Variants in NKAIN2 observed in about 807,000 individuals in gnomAD.
NKAIN2 encodes the protein sodium/potassium transporting ATPase interacting 2.
A neutral mutation model predicts 32.6 loss-of-function variants in NKAIN2; 14 were observed. The ratio of observed to expected loss-of-function variants is 0.43; its 90% CI spans 0.28 to 0.67. NKAIN2 has a LOEUF of 0.67. NKAIN2 is among the 30% of genes least tolerant of loss of function. NKAIN2 has a pLI of 0.17. For missense variants in NKAIN2, 198 were observed against 258.3 expected (o/e 0.77, Z 1.60); for synonymous variants, 80 against 87.2 (o/e 0.92, Z 0.46).
chr6:124,427,261 T>C (rs1019767974), intron 3 of NKAIN2, among the ~76,000 whole-genome samples: 2 of 152,182 alleles, frequency 1.3e-5, no homozygotes, highest in South Asian at 2.1e-4. Context: ...AATGACCAAA[T>C]GTTCATCAAC....
chr6:123,889,706 T>C (rs1773905635), intron 1 of NKAIN2, among the ~76,000 whole-genome samples: 1 of 152,106 alleles, frequency 6.6e-6, no homozygotes, highest in East Asian at 1.9e-4. Flanking sequence ...AAAGCACTGA[T>C]TGAGTCACTG....
intron 1 of NKAIN2, among the ~76,000 whole-genome samples, chr6:124,115,199 T>C (rs892597105): frequency 3.3e-5 from 5 of 152,186 alleles, no homozygotes; most frequent in African/African-American, 1.2e-4. Flanking sequence ...TTTAGTTGAC[T>C]GTGAACTTAG....
chr6:124,609,405 A>G (rs1317579702), intron 3 of NKAIN2, among the ~76,000 whole-genome samples: 1 of 144,584 alleles, frequency 6.9e-6, no homozygotes, highest in African/African-American at 2.7e-5. Context: ...GTTTGAAAGA[A>G]TTCGGGATGA....
intron 2 of NKAIN2, among the ~76,000 whole-genome samples, chr6:124,309,178 G>A (rs907597316): frequency 5.3e-5 from 8 of 152,068 alleles, no homozygotes; most frequent in African/African-American, 1.4e-4. Context: ...GGGAATTTGG[G>A]AGTCCTCAAA....
intron 1 of NKAIN2, among the ~76,000 whole-genome samples, chr6:124,080,007 G>A (rs1783882610): frequency 6.6e-6 from 1 of 151,922 alleles, no homozygotes; most frequent in South Asian, 2.1e-4. Flanking sequence ...GTAGATTGTA[G>A]ACCTAGATGG....
At chr6:123,851,959 C>T (rs1055487048) in intron 1 of NKAIN2, among the ~76,000 whole-genome samples, 1 of 152,062 alleles carries the variant, frequency 6.6e-6, no homozygotes, top group Non-Finnish European at 1.5e-5. Context: ...TTGAAATTCA[C>T]ATAATCCATT....
At chr6:124,366,821 A>G (rs1430704105) in intron 3 of NKAIN2, among the ~76,000 whole-genome samples, 1 of 151,654 alleles carries the variant, frequency 6.6e-6, no homozygotes, top group Non-Finnish European at 1.5e-5. Flanking sequence ...TTAGCTACTC[A>G]GGAGGCTGAG....
chr6:124,081,236 A>G (rs1783956670), intron 1 of NKAIN2, among the ~76,000 whole-genome samples: 1 of 152,130 alleles, frequency 6.6e-6, no homozygotes, highest in South Asian at 2.1e-4. Context: ...ATTCATATGC[A>G]TAAATTTCAA....
At chr6:124,028,887 GTATATA>G (rs77593596) in intron 1 of NKAIN2, among the ~76,000 whole-genome samples, 2 of 44,716 alleles carry the variant, frequency 4.5e-5, no homozygotes, top group African/African-American at 9.2e-5. Context: ...ATATATATGT[GTATATA>G]TATATATATA....
chr6:124,682,801 T>C (rs936542537), intron 4 of NKAIN2, among the ~76,000 whole-genome samples: 1 of 152,250 alleles, frequency 6.6e-6, no homozygotes, highest in Non-Finnish European at 1.5e-5. Context: ...CTTTTTTTTA[T>C]TTTGTGAGTA....
intron 1 of NKAIN2, among the ~76,000 whole-genome samples, chr6:123,878,118 C>G (rs1477935022): frequency 6.6e-6 from 1 of 151,828 alleles, no homozygotes; most frequent in Admixed American, 6.6e-5. Flanking sequence ...CCCAGCTACT[C>G]AGTAGGCTGA....
At chr6:123,827,767 C>G (rs1404696647) in intron 1 of NKAIN2, among the ~76,000 whole-genome samples, 1 of 151,002 alleles carries the variant, frequency 6.6e-6, no homozygotes, top group Non-Finnish European at 1.5e-5. Flanking sequence ...GATCTAGAGA[C>G]AAAGGTAGGG....
At chr6:123,875,037 A>G (rs1188991457) in intron 1 of NKAIN2, among the ~76,000 whole-genome samples, 3 of 152,000 alleles carry the variant, frequency 2.0e-5, no homozygotes, top group Admixed American at 2.0e-4. Flanking sequence ...CCATATTATT[A>G]TAGGTGCATT....
intron 1 of NKAIN2, among the ~76,000 whole-genome samples, chr6:123,878,535 GT>G (rs1773285814): frequency 6.6e-6 from 1 of 151,286 alleles, no homozygotes; most frequent in African/African-American, 2.4e-5. Context: ...CCTTTTTTTG[GT>G]TTACATTACC....
At chr6:123,816,267 T>G (rs1001704185) in intron 1 of NKAIN2, among the ~76,000 whole-genome samples, 4 of 152,078 alleles carry the variant, frequency 2.6e-5, no homozygotes, top group Non-Finnish European at 5.9e-5. Context: ...GAACTTGAGC[T>G]CCTTGGAAGG....
intron 1 of NKAIN2, among the ~76,000 whole-genome samples, chr6:124,227,812 A>C (rs540490215): frequency 2.1e-4 from 32 of 152,172 alleles, no homozygotes; most frequent in Non-Finnish European, 3.7e-4. Context: ...TGTGGAACAC[A>C]CAAGTATTCC....
chr6:124,212,660 T>G (rs938350341), intron 1 of NKAIN2, among the ~76,000 whole-genome samples: 10 of 152,140 alleles, frequency 6.6e-5, no homozygotes, highest in African/African-American at 2.2e-4. Context: ...AAACTTCAAA[T>G]TTCCACATTT....
At chr6:124,081,954 G>T (rs1396095537) in intron 1 of NKAIN2, among the ~76,000 whole-genome samples, 4 of 152,004 alleles carry the variant, frequency 2.6e-5, no homozygotes, top group Non-Finnish European at 5.9e-5. Context: ...AAGATTGCAG[G>T]TATTCAATAG....
chr6:124,109,919 T>A (rs1174678367), intron 1 of NKAIN2, among the ~76,000 whole-genome samples: 7 of 152,084 alleles, frequency 4.6e-5, no homozygotes, highest in Non-Finnish European at 1.0e-4. Flanking sequence ...TTTGGGCATG[T>A]TGAACATCCT....
Sources: gnomAD v4.1 joint callset for allele counts (sites outside exome capture counted in the v4.1 genomes callset) on GRCh38, gnomAD v4.1.1 for gene constraint, MANE v1.5 for transcripts, NCBI Gene and HGNC (gene_info 2026-07-23, HGNC 2026-07-21) for gene names.